The following REELD1 variants were observed in gnomAD, a reference collection of about 807,000 sequenced individuals.
The protein encoded by REELD1 is reelin domain-containing protein 1.
REELD1 carries 12 observed loss-of-function variants against 6.3 expected under a neutral mutation model. That is an observed-to-expected ratio of 1.89 (90% CI 1.21 to 3.07). REELD1 has a LOEUF of 3.07. Ranked by LOEUF, REELD1 falls within the 30% of genes most tolerant of loss-of-function variation. REELD1 has a pLI of 0.00. For missense variants in REELD1, 163 were observed against 86.8 expected, an observed-to-expected ratio of 1.88 and a Z score of -3.49; for synonymous variants, 57 against 33.6, an observed-to-expected ratio of 1.70 and a Z score of -2.42.
intron 5 of REELD1, among the ~76,000 whole-genome samples, chr4:146,225,403 C>G (rs1731003462): frequency 6.6e-6 from 1 of 152,174 alleles, no homozygotes; most frequent in South Asian, 2.1e-4. Flanking sequence ...TTACTCTTTG[C>G]TAATATGTTA....
chr4:146,225,027 C>T (rs560058047), intron 5 of REELD1, among the ~76,000 whole-genome samples: 7 of 152,292 alleles, frequency 4.6e-5, no homozygotes, highest in African/African-American at 1.4e-4. Flanking sequence ...CTCATAAAAA[C>T]GCATCCAGTT....
chr4:146,217,776 C>CT lies in REELD1; in HGVS notation c.208+622dup, dbSNP rs1730852564. Among the ~76,000 whole-genome samples the CT allele has an allele frequency of 3.9e-5, 6 of 152,244 alleles. 1 individual carries two copies. In the South Asian group the frequency reaches 1.2e-3, roughly 32 times the overall value. Reference sequence around the variant, plus strand: ...GTATCATCTATGTGTGTGAAATACACTTTTTTCTCATTATTTAAAACTAAA... The same window carrying CT: ...GTATCATCTATGTGTGTGAAATACACTTTTTTTCTCATTATTTAAAACTAAA... On this transcript the variant is annotated intron_variant, in intron 3 of 7. Coordinates refer to ENST00000623665, the MANE Select transcript of REELD1 (RefSeq NM_001354631.1).
rs1412550658 is a variant in REELD1 at position 146,224,526 on chromosome 4, C to G, written c.513C>G (p.Ala171=). 5 of 701,882 alleles carry G rather than the reference C, an allele frequency of 7.1e-6. No individual in the cohort carries two copies. Among genetic ancestry groups the G allele is most frequent in the Non-Finnish European group, 1.3e-5 (5 of 384,860 alleles). 43.5% of individuals were successfully genotyped at this position (701,882 alleles called of 1,614,324 possible). A position where few individuals can be genotyped will look rare whatever the true frequency, so the allele number is the denominator to read the frequency against. Residue 171 remains alanine (A), a synonymous_variant, in exon 5 of 8, where the codon GCC becomes GCG. Transcript: ENST00000623665. ...TGTCTCAACAGACACATAGCAGCGC[C>G]CATTCTGACGACCGCATGGAGCCCA... is the stretch of plus-strand genomic sequence containing the variant. ...SVVSQQTHSS[A]HSDDRMEPRL...
At chr4:146,224,367 T>A (rs1405345174) in intron 4 of REELD1, 78 bp from the exon 5 acceptor site, 1 of 502,186 alleles carries the variant, frequency 2.0e-6, no homozygotes, top group East Asian at 3.1e-5. Context: ...GTGTTCTCTC[T>A]TTTCTGTGAG....
chr4:146,224,685 C>T, intron 5 of REELD1, 77 bp downstream of exon 5: 1 of 672,146 alleles, frequency 1.5e-6, no homozygotes, highest in Non-Finnish European at 2.7e-6. Context: ...TTAAAAGTTA[C>T]TACTGCCAGT....
intron 3 of REELD1, among the ~76,000 whole-genome samples, chr4:146,220,808 G>T (rs565861095): frequency 2.0e-5 from 3 of 152,292 alleles, no homozygotes; most frequent in Admixed American, 6.5e-5. Context: ...TCATCCCCTG[G>T]GGAAAAGGAG....
Position 146,231,176 on chromosome 4 carries a change from C to A in REELD1, c.*663C>A, listed in dbSNP as rs189614074. 5.3e-5 allele frequency among the ~76,000 whole-genome samples: 8 copies of A among 152,268 alleles called. No individual in the cohort carries two copies. The highest frequency in any genetic ancestry group is 3.3e-4 in the Admixed American group (5 of 15,304). On this transcript the variant is annotated 3_prime_UTR_variant, in exon 8 of 8. Coordinates refer to ENST00000623665, the MANE Select transcript of REELD1 (RefSeq NM_001354631.1). ...ACATCTTCAGGAAAACATATACATG[C>A]AACACAAGGCCGTAAACACCAGAGT...
intron 3 of REELD1, among the ~76,000 whole-genome samples, chr4:146,219,140 A>G (rs1730876680): frequency 6.6e-6 from 1 of 152,194 alleles, no homozygotes; most frequent in African/African-American, 2.4e-5. Flanking sequence ...TGACAGTGAC[A>G]AAGTGAGACT....
chr4:146,217,812 C>T (rs377568756), intron 3 of REELD1, among the ~76,000 whole-genome samples: 86 of 152,294 alleles, frequency 5.6e-4, no homozygotes, highest in African/African-American at 2.0e-3. Context: ...ATTCATCCAT[C>T]AACAGACACT....
chr4:146,216,965 G>C lies in REELD1; in HGVS notation c.13G>C (p.Ala5Pro), dbSNP rs897260777. 3 of 398,500 alleles carry C rather than the reference G, an allele frequency of 7.5e-6. No homozygotes were observed. Among genetic ancestry groups the C allele is most frequent in the Middle Eastern group, 6.2e-4 (1 of 1,610 alleles). The allele number at this position is 398,500 out of a possible 1,614,324, so 24.7% of individuals were successfully genotyped here. The change falls in exon 3 of 8, where the codon GCT becomes CCT. Residue 5 changes from alanine to proline, a missense_variant. Ala to Pro is a conservative substitution (Grantham distance 27). Transcript: ENST00000623665. MRMQ[A>P]ALVGWACTTL... Reference sequence around the variant, plus strand: ...AGGAGAGGGCAGGATGAGGATGCAGGCTGCCCTCGTGGGCTGGGCTTGTAC... The same window carrying C: ...AGGAGAGGGCAGGATGAGGATGCAGCCTGCCCTCGTGGGCTGGGCTTGTAC...
At chr4:146,226,587 C>T (rs1373812627) in intron 5 of REELD1, among the ~76,000 whole-genome samples, 1 of 152,092 alleles carries the variant, frequency 6.6e-6, no homozygotes, top group Non-Finnish European at 1.5e-5. Context: ...CTCCCTCAGT[C>T]CCCTTTTATA....
At position 146,231,139 on chromosome 4, in the gene REELD1, G is replaced by A. The variant is rs1731124843; in HGVS notation, c.*626G>A. ...TCCAAAGTCAGGAAAGTTTTTGAGAGCTTGATTGAACACATCTTCAGGAAA... is the reference window on the plus strand; with the variant it reads ...TCCAAAGTCAGGAAAGTTTTTGAGAACTTGATTGAACACATCTTCAGGAAA... On this transcript the variant is annotated 3_prime_UTR_variant, in exon 8 of 8. Transcript: ENST00000623665. Among the ~76,000 whole-genome samples the A allele has an allele frequency of 6.6e-6, 1 of 152,214 alleles. No homozygotes were observed. The highest frequency in any genetic ancestry group is 2.1e-4 in the South Asian group (1 of 4,832).
intron 4 of REELD1, among the ~76,000 whole-genome samples, chr4:146,223,831 C>A (rs1006044973): frequency 6.6e-6 from 1 of 152,232 alleles, no homozygotes; most frequent in Non-Finnish European, 1.5e-5. Flanking sequence ...AAATTAATCA[C>A]CTTGTTATGT....
chr4:146,228,928 A>G lies in REELD1; in HGVS notation c.909-97A>G. On this transcript the variant is annotated intron_variant, in intron 6 of 7. Transcript: ENST00000623665. ...CCAAAATCAGAAGTTTTTCAAGTGA[A>G]TCTGTTGCCATCTGCATACACAACT... is the stretch of plus-strand genomic sequence containing the variant. 9 of 681,770 alleles carry G rather than the reference A, an allele frequency of 1.3e-5. No homozygotes were observed. In the South Asian group the frequency reaches 1.4e-4, roughly 11 times the overall value. The allele number at this position is 681,770 out of a possible 1,614,324, so 42.2% of individuals were successfully genotyped here.
In REELD1 at chr4:146,229,980, C is replaced by T. The variant is rs903722674; in HGVS notation, c.1048C>T (p.Leu350Phe). The T allele has an allele frequency of 2.5e-6, 1 of 398,748 alleles. No homozygotes were observed. Among genetic ancestry groups the T allele is most frequent in the East Asian group, 3.6e-5 (1 of 28,076 alleles). 24.7% of individuals were successfully genotyped at this position (398,748 alleles called of 1,614,324 possible). The change falls in exon 8 of 8, where the codon CTC becomes TTC. Residue 350 changes from leucine (L) to phenylalanine (F), a missense_variant. Leu to Phe is a conservative substitution (Grantham distance 22). Coordinates refer to ENST00000623665, the MANE Select transcript of REELD1 (RefSeq NM_001354631.1). ...CGTCCAGCTTACCTATCCCCAGTGCCTCTGGTCCTCTGAAACTTTCACAGG... is the reference window on the plus strand; with the variant it reads ...CGTCCAGCTTACCTATCCCCAGTGCTTCTGGTCCTCTGAAACTTTCACAGG... ...STVQLTYPQC[L>F]WSSETFTGNG...
chr4:146,224,647 C>A, intron 5 of REELD1, 39 bp downstream of exon 5: 1 of 697,558 alleles, frequency 1.4e-6, no homozygotes, highest in Non-Finnish European at 2.6e-6. Context: ...TGGTTGTCAT[C>A]ATTATTTTTA....
chr4:146,229,882 C>T, intron 7 of REELD1, 23 bp from the exon 8 acceptor site: 1 of 398,598 alleles, frequency 2.5e-6, no homozygotes, highest in Non-Finnish European at 4.4e-6. Flanking sequence ...ACCTTTGACT[C>T]TTTTTTCCCT....
intron 2 of REELD1, among the ~76,000 whole-genome samples, chr4:146,215,651 A>ATTTTTTTTTTTTTTTTTTTTT: frequency 1.2e-5 from 1 of 86,670 alleles, no homozygotes; most frequent in Non-Finnish European, 2.2e-5. Context: ...AGGGGAGGGC[A>ATTTTTTTTTTTTTTTTTTTTT]TTTTTTTTTT....
chr4:146,219,263 G>A (rs1730878663), intron 3 of REELD1, among the ~76,000 whole-genome samples: 1 of 152,104 alleles, frequency 6.6e-6, no homozygotes, highest in Non-Finnish European at 1.5e-5. Flanking sequence ...GTATCCTGAG[G>A]GAAACACAAT....
Sources: allele counts gnomAD v4.1 joint callset (sites outside exome capture counted in the v4.1 genomes callset), GRCh38; gene constraint gnomAD v4.1.1; transcripts MANE v1.5; gene names NCBI Gene and HGNC (gene_info 2026-07-23, HGNC 2026-07-21).